ST3GAL6: variants seen among roughly 807,000 people sequenced by gnomAD.
ST3GAL6 encodes type 2 lactosamine alpha-2,3-sialyltransferase.
In ST3GAL6, 31 loss-of-function variants were observed where a neutral mutation model predicts 40.5. That is an observed-to-expected ratio of 0.77 (90% CI 0.58 to 1.03). The LOEUF (loss-of-function observed/expected upper bound fraction) is 1.03, where lower values mean the gene tolerates loss of function less well. Among genes scored for constraint, ST3GAL6 ranks in the 50% least tolerant of loss-of-function variants. The pLI, the probability that ST3GAL6 is intolerant of heterozygous loss-of-function variation, is 0.00. For synonymous variants in ST3GAL6, 129 were observed against 136.9 expected, an observed-to-expected ratio of 0.94 and a Z score of 0.40; for missense variants, 357 against 393.2, an observed-to-expected ratio of 0.91 and a Z score of 0.78.
chr3:98,768,566 C>G (rs1283231074), intron 2 of ST3GAL6, 37 bp downstream of exon 2: 3 of 1,462,240 alleles, frequency 2.1e-6, no homozygotes, highest in Non-Finnish European at 2.9e-6. Context: ...TAACTCTCAA[C>G]CTAGTCTTTC....
Position 98,773,035 on chromosome 3 carries a change from T to C in ST3GAL6, c.271+119T>C, listed in dbSNP as rs894691347. The C allele has an allele frequency of 5.2e-5, 32 of 611,028 alleles. No homozygotes were observed. In the Admixed American group the frequency reaches 9.0e-4, roughly 17 times the overall value. 37.9% of individuals were successfully genotyped at this position (611,028 alleles called of 1,614,324 possible). A position where few individuals can be genotyped will look rare whatever the true frequency, so the allele number is the denominator to read the frequency against. On this transcript the variant is annotated intron_variant, in intron 4 of 9. Transcript: ENST00000483910. ...CTGCTTCCTAATGATTTCCAATGGA[T>C]ATGATTTTGGGATGGAATGAAATGA...
rs1427651447 is a variant in ST3GAL6 at position 98,733,610 on chromosome 3, T to C, written c.-12+1078T>C. The C allele has an allele frequency of 1.4e-5, 14 of 985,262 alleles. No individual in the cohort carries two copies. In the South Asian group the frequency reaches 3.3e-4, roughly 23 times the overall value. The allele number at this position is 985,262 out of a possible 1,614,324, so 61.0% of individuals were successfully genotyped here. Reference sequence around the variant, plus strand: ...GAGGACGGTGAGTAAATTGCAGTGTTTGGGCTGCTGTTAATTTTCAAGATA... The same window carrying C: ...GAGGACGGTGAGTAAATTGCAGTGTCTGGGCTGCTGTTAATTTTCAAGATA... On this transcript the variant is annotated intron_variant, in intron 1 of 9. Transcript: ENST00000265261.
In ST3GAL6 at chr3:98,756,106, G is replaced by T. The variant is rs533070750; in HGVS notation, c.-11-12324G>T. ...GGTTACTTGGGATTAATTGAGCTGG[G>T]TATGTTATTATTTTTAAGGAGACTG... is the stretch of plus-strand genomic sequence containing the variant. On this transcript the variant is annotated intron_variant, in intron 1 of 9. Coordinates refer to the ST3GAL6 transcript ENST00000265261. Among the ~76,000 whole-genome samples the T allele has an allele frequency of 2.0e-4, 31 of 152,252 alleles. No individual in the cohort carries two copies. The South Asian group carries it at 6.0e-3, about 30-fold the overall frequency.
chr3:98,758,822 A>T (rs1362189728), upstream of ST3GAL6, among the ~76,000 whole-genome samples: 1 of 152,216 alleles, frequency 6.6e-6, no homozygotes, highest in Non-Finnish European at 1.5e-5. Context: ...TTGAAACAAG[A>T]TTAGGAGAGT....
chr3:98,753,804 A>C (rs1937206482), intron 1 of ST3GAL6, among the ~76,000 whole-genome samples: 1 of 152,234 alleles, frequency 6.6e-6, no homozygotes, highest in Admixed American at 6.5e-5. Context: ...TCTATTAAAA[A>C]ATAATTGTCC....
chr3:98,732,963 G>A, intron 1 of ST3GAL6: 1 of 1,504,232 alleles, frequency 6.6e-7, no homozygotes, highest in Non-Finnish European at 8.8e-7. Context: ...CCTGGGCCTC[G>A]GCGGGTCACT....
At chr3:98,749,364 CTGAT>C (rs1173757165) in intron 1 of ST3GAL6, among the ~76,000 whole-genome samples, 1 of 152,176 alleles carries the variant, frequency 6.6e-6, no homozygotes, top group Non-Finnish European at 1.5e-5. Context: ...AGGAAATCAT[CTGAT>C]TGATAGTGGT....
intron 1 of ST3GAL6, chr3:98,733,419 T>A: frequency 9.9e-7 from 1 of 1,009,068 alleles, no homozygotes; most frequent in Non-Finnish European, 1.2e-6. Context: ...AGTGTCCAGC[T>A]CCTCGTTCAC....
At chr3:98,784,898 T>C in intron 5 of ST3GAL6, 47 bp from the exon 6 acceptor site, 1 of 1,500,292 alleles carries the variant, frequency 6.7e-7, no homozygotes, top group Non-Finnish European at 9.2e-7. Context: ...TTGGAATCAG[T>C]TTTGTAAAAG....
chr3:98,790,706 G>C lies in ST3GAL6; in HGVS notation c.757-1135G>C, dbSNP rs1035883189. Among the ~76,000 whole-genome samples, 3 of 152,106 alleles carry C rather than the reference G, an allele frequency of 2.0e-5. No homozygotes were observed. The East Asian group carries it at 5.8e-4, about 29-fold the overall frequency. On this transcript the variant is annotated intron_variant, in intron 8 of 9. Transcript: ENST00000483910. Reference sequence around the variant, plus strand: ...ACTGCAGTGCTTATTCCTCTTATAAGAGTTTGTCAGGTGGTAATATAGGTT... The same window carrying C: ...ACTGCAGTGCTTATTCCTCTTATAACAGTTTGTCAGGTGGTAATATAGGTT...
intron 5 of ST3GAL6, among the ~76,000 whole-genome samples, chr3:98,779,784 G>A (rs187862601): frequency 5.9e-5 from 9 of 152,248 alleles, no homozygotes; most frequent in African/African-American, 1.4e-4. Flanking sequence ...ATTTTCCTCC[G>A]TGTTTCCAGG....
intron 5 of ST3GAL6, chr3:98,783,724 C>A: frequency 2.0e-6 from 2 of 983,804 alleles, no homozygotes; most frequent in Non-Finnish European, 2.4e-6. Flanking sequence ...CAAGTCCTTA[C>A]CAACCTGTGC....
intron 1 of ST3GAL6, among the ~76,000 whole-genome samples, chr3:98,734,858 C>T (rs1219472374): frequency 6.6e-6 from 1 of 152,146 alleles, no homozygotes; most frequent in African/African-American, 2.4e-5. Context: ...CTGTTGGAGA[C>T]ATTTCTGTGT....
chr3:98,732,950 G>T (rs768068434), intron 1 of ST3GAL6: 1 of 1,508,032 alleles, frequency 6.6e-7, no homozygotes, highest in South Asian at 1.2e-5. Context: ...TGCGGTCGTC[G>T]CTCCTGGGCC....
intron 7 of ST3GAL6, 40 bp from the exon 8 acceptor site, chr3:98,788,286 A>C (rs776892871): frequency 1.3e-6 from 2 of 1,587,176 alleles, no homozygotes; most frequent in African/African-American, 1.4e-5. Context: ...TAAAAAACAG[A>C]CAGCCACACT....
upstream of ST3GAL6, among the ~76,000 whole-genome samples, chr3:98,760,167 C>T (rs917117081): frequency 6.6e-6 from 1 of 152,114 alleles, no homozygotes; most frequent in Non-Finnish European, 1.5e-5. Context: ...CTGCCAGTTC[C>T]CCTCAAAAAC....
intron 5 of ST3GAL6, among the ~76,000 whole-genome samples, chr3:98,783,971 C>T (rs1169130584): frequency 4.6e-5 from 7 of 152,280 alleles, no homozygotes; most frequent in Middle Eastern, 3.4e-3. Context: ...AAACAGTTTC[C>T]GAATTCTCAC....
intron 2 of ST3GAL6, chr3:98,770,586 A>G (rs543386542): frequency 7.1e-5 from 19 of 266,592 alleles, no homozygotes; most frequent in South Asian, 4.2e-4. Flanking sequence ...AGCTTCTACA[A>G]TGCAGTAATC....
At chr3:98,763,311 C>A (rs781147985), upstream of ST3GAL6, 3 of 1,286,814 alleles carry the variant, frequency 2.3e-6, no homozygotes, top group African/African-American at 4.6e-5. Flanking sequence ...ATCTGTTGGC[C>A]ATGTTCCACA....
Sources: allele counts gnomAD v4.1 joint callset (sites outside exome capture counted in the v4.1 genomes callset), GRCh38; gene constraint gnomAD v4.1.1; transcripts MANE v1.5; gene names NCBI Gene and HGNC (gene_info 2026-07-23, HGNC 2026-07-21).